The following ADK variants were observed in gnomAD, a reference collection of about 807,000 sequenced individuals.
ADK encodes the protein N6,N6-dimethyladenosine kinase.
A neutral mutation model predicts 44.7 loss-of-function variants in ADK; 24 were observed. That is an observed-to-expected ratio of 0.54 (90% confidence interval 0.39 to 0.76). The LOEUF is 0.76. Ranked by LOEUF, ADK falls within the 30% of genes least tolerant of loss-of-function variation. The pLI is 0.00. For missense variants in ADK, 321 were observed against 425.1 expected (o/e 0.76, Z 2.15); for synonymous variants, 128 against 142.6 (o/e 0.90, Z 0.73).
chr10:74,350,054 C>T (rs948804979), intron 4 of ADK, among the ~76,000 whole-genome samples: 10 of 152,208 alleles, frequency 6.6e-5, no homozygotes, highest in East Asian at 1.9e-4. Flanking sequence ...CTGGACCAAG[C>T]GGACCTAATA....
At chr10:74,570,805 C>T (rs1165435119) in intron 7 of ADK, among the ~76,000 whole-genome samples, 2 of 152,096 alleles carry the variant, frequency 1.3e-5, no homozygotes, top group African/African-American at 2.4e-5. Context: ...ATTGCCCTGG[C>T]CAGAACTTCC....
At chr10:74,688,788 C>G (rs1420010503) in intron 10 of ADK, among the ~76,000 whole-genome samples, 1 of 152,144 alleles carries the variant, frequency 6.6e-6, no homozygotes, top group Non-Finnish European at 1.5e-5. Context: ...TGGTGGCAAA[C>G]ACCTGTAGTC....
At chr10:74,705,259 G>C (rs973939859) in intron 10 of ADK, among the ~76,000 whole-genome samples, 4 of 136,746 alleles carry the variant, frequency 2.9e-5, no homozygotes, top group African/African-American at 1.1e-4. Flanking sequence ...ATTATTATCT[G>C]CTCTTCTGAG....
intron 3 of ADK, among the ~76,000 whole-genome samples, chr10:74,307,729 T>C (rs1348998404): frequency 6.6e-6 from 1 of 152,238 alleles, no homozygotes; most frequent in African/African-American, 2.4e-5. Context: ...CTATTACATA[T>C]GTTTCTGGAA....
At chr10:74,686,491 C>T (rs1855794918) in intron 10 of ADK, among the ~76,000 whole-genome samples, 1 of 152,160 alleles carries the variant, frequency 6.6e-6, no homozygotes, top group African/African-American at 2.4e-5. Flanking sequence ...CTCTGGCTTA[C>T]CCTTCCACCC....
chr10:74,409,487 A>G (rs950531962), intron 6 of ADK, among the ~76,000 whole-genome samples: 11 of 152,314 alleles, frequency 7.2e-5, no homozygotes, highest in Admixed American at 7.2e-4. Flanking sequence ...TAATTTTGTG[A>G]GAGTATGAGA....
At chr10:74,386,185 C>G (rs1370829007) in intron 4 of ADK, among the ~76,000 whole-genome samples, 2 of 152,066 alleles carry the variant, frequency 1.3e-5, no homozygotes, top group Non-Finnish European at 2.9e-5. Context: ...CTGCTTGTTG[C>G]TGTTTCTCAG....
intron 7 of ADK, among the ~76,000 whole-genome samples, chr10:74,552,828 G>T (rs1589241495): frequency 6.6e-6 from 1 of 152,124 alleles, no homozygotes; most frequent in South Asian, 2.1e-4. Context: ...ACTAAAAGAG[G>T]ATGAACATTA....
At chr10:74,632,365 A>G (rs2134065544) in intron 9 of ADK, among the ~76,000 whole-genome samples, 1 of 152,354 alleles carries the variant, frequency 6.6e-6, no homozygotes, top group South Asian at 2.1e-4. Flanking sequence ...AAATTACCAC[A>G]AAGTGAGTGG....
chr10:74,671,832 G>A (rs1266565466), intron 10 of ADK, among the ~76,000 whole-genome samples: 1 of 152,178 alleles, frequency 6.6e-6, no homozygotes, highest in Non-Finnish European at 1.5e-5. Flanking sequence ...ACATAATGAG[G>A]CCATCATAGA....
intron 3 of ADK, among the ~76,000 whole-genome samples, chr10:74,298,899 G>A (rs927628755): frequency 2.6e-5 from 4 of 152,142 alleles, no homozygotes; most frequent in African/African-American, 9.7e-5. Flanking sequence ...GGGGAGCATA[G>A]CAAGACCCCA....
chr10:74,505,099 TGAA>T (rs1391997485), intron 6 of ADK, among the ~76,000 whole-genome samples: 1 of 152,050 alleles, frequency 6.6e-6, no homozygotes, highest in East Asian at 1.9e-4. Context: ...GTGGAAATGA[TGAA>T]GGAGGTGGAA....
chr10:74,377,501 A>G (rs1842851558), intron 4 of ADK, among the ~76,000 whole-genome samples: 1 of 152,232 alleles, frequency 6.6e-6, no homozygotes, highest in Non-Finnish European at 1.5e-5. Context: ...ACTTAACATT[A>G]AAAATGTGGT....
intron 3 of ADK, among the ~76,000 whole-genome samples, chr10:74,234,592 C>T (rs1844892625): frequency 6.6e-6 from 1 of 152,194 alleles, no homozygotes; most frequent in Non-Finnish European, 1.5e-5. Context: ...ACTAGAAATA[C>T]GTCACAATTT....
chr10:74,520,794 T>C (rs1014214036), intron 6 of ADK, among the ~76,000 whole-genome samples: 1 of 152,138 alleles, frequency 6.6e-6, no homozygotes, highest in African/African-American at 2.4e-5. Flanking sequence ...TCCCTATCTG[T>C]CCTACTGCTA....
chr10:74,266,199 G>T (rs1416691583), intron 3 of ADK, among the ~76,000 whole-genome samples: 2 of 152,200 alleles, frequency 1.3e-5, no homozygotes, highest in Non-Finnish European at 2.9e-5. Flanking sequence ...CAGGACGCTA[G>T]GTGGTGCCAT....
intron 3 of ADK, among the ~76,000 whole-genome samples, chr10:74,249,788 C>T (rs185536022): frequency 2.1e-4 from 32 of 152,230 alleles, no homozygotes; most frequent in East Asian, 3.9e-4. Flanking sequence ...TCCTGTCATA[C>T]GCAAATTACC....
intron 2 of ADK, among the ~76,000 whole-genome samples, chr10:74,213,713 G>A (rs1387918487): frequency 1.3e-5 from 2 of 152,166 alleles, no homozygotes; most frequent in African/African-American, 2.4e-5. Flanking sequence ...ATCTAGTAAA[G>A]TAATGCCTAA....
At chr10:74,206,782 AAAATTTCAGGC>A (rs1454231610) in intron 2 of ADK, among the ~76,000 whole-genome samples, 1 of 152,172 alleles carries the variant, frequency 6.6e-6, no homozygotes, top group Non-Finnish European at 1.5e-5. Flanking sequence ...CACTGTTTTT[AAAATTTCAGGC>A]AAATGTGATC....
Sources: allele counts gnomAD v4.1 joint callset (sites outside exome capture counted in the v4.1 genomes callset), GRCh38; gene constraint gnomAD v4.1.1; transcripts MANE v1.5; gene names NCBI Gene and HGNC (gene_info 2026-07-23, HGNC 2026-07-21).